FER: variants seen among roughly 807,000 people sequenced by gnomAD.
FER encodes FER tyrosine kinase.
In FER, 63 loss-of-function variants were observed where a neutral mutation model predicts 111.0. The observed-to-expected ratio is 0.57, with a 90% CI of 0.46 to 0.70. The LOEUF (loss-of-function observed/expected upper bound fraction) is 0.70, where lower values mean the gene tolerates loss of function less well. Ranked by LOEUF, FER falls within the 30% of genes least tolerant of loss-of-function variation. The pLI is 0.00. For synonymous variants in FER, 327 were observed against 313.9 expected (o/e 1.04, Z -0.44); for missense variants, 914 against 954.0 (o/e 0.96, Z 0.55).
chr5:108,946,328 A>T lies in FER; in HGVS notation c.1329+106A>T, dbSNP rs557857645. The T allele has an allele frequency of 9.3e-6, 6 of 645,994 alleles. No homozygotes were observed. In the East Asian group the frequency reaches 1.1e-4, roughly 12 times the overall value. The allele number at this position is 645,994 out of a possible 1,614,324, so 40.0% of individuals were successfully genotyped here. A position where few individuals can be genotyped will look rare whatever the true frequency, so the allele number is the denominator to read the frequency against. On this transcript the variant is annotated intron_variant, in intron 11 of 19. Coordinates refer to ENST00000281092, the MANE Select transcript of FER (RefSeq NM_005246.4). ...TGTGTGTGTGTGTGTATATATATGT[A>T]TATACATATATAAATTTGCACTTAC...
At chr5:109,114,498 T>C (rs150670373) in intron 17 of FER, among the ~76,000 whole-genome samples, 206 of 152,166 alleles carry the variant, frequency 1.4e-3, no homozygotes, top group African/African-American at 4.8e-3. Flanking sequence ...TTGAGGATAA[T>C]AAATGGATGA....
chr5:108,958,065 T>C (rs1041587975), intron 12 of FER, among the ~76,000 whole-genome samples: 3 of 151,672 alleles, frequency 2.0e-5, no homozygotes, highest in Admixed American at 6.6e-5. Flanking sequence ...TGCCCTTGAG[T>C]TGATTTATTC....
chr5:108,960,244 A>G (rs1758963528), intron 13 of FER, among the ~76,000 whole-genome samples: 1 of 152,144 alleles, frequency 6.6e-6, no homozygotes, highest in Admixed American at 6.6e-5. Context: ...AATTTAAAAA[A>G]CAAGTATTTT....
At chr5:109,007,707 A>G (rs1394098107) in intron 13 of FER, among the ~76,000 whole-genome samples, 1 of 152,238 alleles carries the variant, frequency 6.6e-6, no homozygotes, top group East Asian at 1.9e-4. Flanking sequence ...AATTATGAAT[A>G]AAACTATAAA....
At chr5:108,942,731 T>C (rs1035546496) in intron 10 of FER, among the ~76,000 whole-genome samples, 1 of 152,176 alleles carries the variant, frequency 6.6e-6, no homozygotes, top group Admixed American at 6.6e-5. Flanking sequence ...ATATTTACAG[T>C]ATTTCATTTA....
chr5:108,829,206 T>G (rs1759786362), intron 3 of FER, among the ~76,000 whole-genome samples: 1 of 152,216 alleles, frequency 6.6e-6, no homozygotes, highest in Non-Finnish European at 1.5e-5. Flanking sequence ...GTTTGTGACT[T>G]TCAACCATTC....
At position 108,799,575 on chromosome 5, in the gene FER, A is replaced by T. The variant is rs574618955; in HGVS notation, c.207+1186A>T. Among the ~76,000 whole-genome samples, 48 of 152,314 alleles carry T rather than the reference A, an allele frequency of 3.2e-4. No homozygotes were observed. In the South Asian group the frequency reaches 9.7e-3, roughly 31 times the overall value. ...ACAAAAAATACAGGACACCATTTGAATTTGCATGCAGTATTTAGGACAAAC... is the reference window on the plus strand; with the variant it reads ...ACAAAAAATACAGGACACCATTTGATTTTGCATGCAGTATTTAGGACAAAC... On this transcript the variant is annotated intron_variant, in intron 3 of 19. Transcript: ENST00000281092.
At chr5:108,979,134 A>G (rs1367076756) in intron 13 of FER, among the ~76,000 whole-genome samples, 4 of 152,114 alleles carry the variant, frequency 2.6e-5, no homozygotes, top group Non-Finnish European at 5.9e-5. Flanking sequence ...CATTTCCATT[A>G]TTTACCCTTA....
rs185164730 is a variant in FER, at chr5:109,136,822, A to G, written c.2048+36303A>G. Among the ~76,000 whole-genome samples the G allele has an allele frequency of 2.0e-3, 301 of 152,244 alleles. 1 individual carries two copies. Among genetic ancestry groups the G allele is most frequent in the African/African-American group, 6.9e-3 (288 of 41,558 alleles). The stretch of plus-strand genomic sequence containing the variant: ...TAATACTAGCTAATACTGGAGACAC[A>G]TGAGTCTCTAGTCCAAGCTTTAACC... On this transcript the variant is annotated intron_variant, in intron 17 of 19. Coordinates refer to ENST00000281092, the MANE Select transcript of FER (RefSeq NM_005246.4).
At chr5:109,178,392 C>A (rs1757937012) in intron 17 of FER, among the ~76,000 whole-genome samples, 1 of 152,182 alleles carries the variant, frequency 6.6e-6, no homozygotes, top group Non-Finnish European at 1.5e-5. Flanking sequence ...AATCTCTAAA[C>A]TGGTGATGCA....
intron 17 of FER, among the ~76,000 whole-genome samples, chr5:109,143,148 C>A (rs1287927722): frequency 6.6e-6 from 1 of 152,074 alleles, no homozygotes; most frequent in Non-Finnish European, 1.5e-5. Context: ...CTCTGTCATT[C>A]CTTTAAGTAA....
At chr5:108,962,273 G>T (rs542330819) in intron 13 of FER, among the ~76,000 whole-genome samples, 59 of 152,284 alleles carry the variant, frequency 3.9e-4, no homozygotes, top group African/African-American at 1.4e-3. Context: ...GTAAAGAGGG[G>T]TTATTAATCA....
chr5:108,913,257 C>A (rs1038522186), intron 10 of FER, among the ~76,000 whole-genome samples: 2 of 152,104 alleles, frequency 1.3e-5, no homozygotes, highest in Non-Finnish European at 1.5e-5. Flanking sequence ...TTTGAACATG[C>A]TTGATATTGC....
Position 109,018,150 on chromosome 5 carries a change from C to T in FER, c.1657-19272C>T, listed in dbSNP as rs182112342. On this transcript the variant is annotated intron_variant, in intron 13 of 19. Coordinates refer to ENST00000281092, the MANE Select transcript of FER (RefSeq NM_005246.4). ...TAGTACATTTTCATTGAATTGGAGA[C>T]ATAAGAAGGAAAAAATGAGACTGAG... Among the ~76,000 whole-genome samples, 378 of 151,552 alleles carry T rather than the reference C, an allele frequency of 2.5e-3. 3 individuals are homozygous for T. The highest frequency in any genetic ancestry group is 3.5e-3 in the Non-Finnish European group (238 of 67,712).
chr5:108,942,210 T>C (rs765993335), intron 10 of FER, among the ~76,000 whole-genome samples: 15 of 152,168 alleles, frequency 9.9e-5, no homozygotes, highest in Admixed American at 4.6e-4. Context: ...TTGGGTCTTA[T>C]TTCCCTAGAG....
intron 5 of FER, among the ~76,000 whole-genome samples, chr5:108,860,382 C>T (rs1433766031): frequency 1.3e-5 from 2 of 152,158 alleles, no homozygotes; most frequent in African/African-American, 4.8e-5. Flanking sequence ...TACATTACAA[C>T]CCAGTGAATT....
intron 3 of FER, 132 bp downstream of exon 3, chr5:108,798,521 T>C: frequency 1.3e-6 from 1 of 779,274 alleles, no homozygotes; most frequent in East Asian, 2.7e-5. Flanking sequence ...TTACAGAGTA[T>C]GAAAATCTCA....
At position 109,193,012 on chromosome 5, in the gene FER, C is replaced by G. The variant is rs1759485680; in HGVS notation, c.*5437C>G. On this transcript the variant is annotated 3_prime_UTR_variant, in exon 20 of 20. Transcript: ENST00000281092. ...GCACCAATGTAAAATGACCCATAGC[C>G]AACAATAAATGCAATAACAATAAAG... The G allele has an allele frequency of 6.6e-6, 1 of 152,070 alleles. No homozygotes were observed. The highest frequency in any genetic ancestry group is 2.4e-5 in the African/African-American group (1 of 41,400). The allele number at this position is 152,070 out of a possible 1,614,324, so 9.4% of individuals were successfully genotyped here. A position where few individuals can be genotyped will look rare whatever the true frequency, so the allele number is the denominator to read the frequency against.
chr5:109,096,680 A>AT (rs1747570061), intron 16 of FER, among the ~76,000 whole-genome samples: 1 of 79,122 alleles, frequency 1.3e-5, no homozygotes, highest in African/African-American at 4.2e-5. Flanking sequence ...ATTTGTGCCT[A>AT]TTCCTGAACC....
Sources: gnomAD v4.1 joint callset for allele counts (sites outside exome capture counted in the v4.1 genomes callset) on GRCh38, gnomAD v4.1.1 for gene constraint, MANE v1.5 for transcripts, NCBI Gene and HGNC (gene_info 2026-07-23, HGNC 2026-07-21) for gene names.